MCUB: variants seen among roughly 807,000 people sequenced by gnomAD.
MCUB encodes the protein calcium uniporter regulatory subunit MCUb, mitochondrial.
A neutral mutation model predicts 41.4 loss-of-function variants in MCUB; 46 were observed. The ratio of observed to expected loss-of-function variants is 1.11; its 90% CI spans 0.88 to 1.42. The LOEUF (loss-of-function observed/expected upper bound fraction) is 1.42, where lower values mean the gene tolerates loss of function less well. Ranked by LOEUF, MCUB falls within the 40% of genes most tolerant of loss-of-function variation. The pLI is 0.00. For synonymous variants in MCUB, 148 were observed against 148.2 expected, an observed-to-expected ratio of 1.00 and a Z score of 0.01; for missense variants, 403 against 404.9, an observed-to-expected ratio of 1.00 and a Z score of 0.04.
chr4:109,564,904 G>A (rs1726736036), intron 1 of MCUB, among the ~76,000 whole-genome samples: 1 of 152,156 alleles, frequency 6.6e-6, no homozygotes, highest in African/African-American at 2.4e-5. Flanking sequence ...TTCTTTGAGA[G>A]AGAACTATAG....
chr4:109,639,979 G>A (rs1561236895), intron 1 of MCUB, among the ~76,000 whole-genome samples: 1 of 152,248 alleles, frequency 6.6e-6, no homozygotes, highest in African/African-American at 2.4e-5. Context: ...CAGGCTTTGT[G>A]TGAGTAACAA....
chr4:109,582,709 A>C (rs1336319666), intron 1 of MCUB, among the ~76,000 whole-genome samples: 2 of 152,170 alleles, frequency 1.3e-5, no homozygotes, highest in Non-Finnish European at 2.9e-5. Flanking sequence ...TAGGTCTAAC[A>C]TGTAAGTCTT....
At chr4:109,635,954 G>A (rs1195579300) in intron 1 of MCUB, among the ~76,000 whole-genome samples, 2 of 152,188 alleles carry the variant, frequency 1.3e-5, no homozygotes, top group Admixed American at 6.5e-5. Flanking sequence ...TTTACACTTA[G>A]GAGTAGAATT....
At chr4:109,656,839 A>G (rs1030181977) in intron 1 of MCUB, among the ~76,000 whole-genome samples, 4 of 152,100 alleles carry the variant, frequency 2.6e-5, no homozygotes, top group African/African-American at 7.2e-5. Flanking sequence ...GAGAACTTCT[A>G]CCTATATTTA....
At chr4:109,614,010 T>C (rs934806410) in intron 1 of MCUB, among the ~76,000 whole-genome samples, 4 of 152,248 alleles carry the variant, frequency 2.6e-5, no homozygotes, top group Non-Finnish European at 5.9e-5. Context: ...TGTATACTTT[T>C]ATCATGTGTA....
In MCUB at chr4:109,560,401, C is replaced by A; in HGVS notation, c.64C>A (p.Pro22Thr). The A allele has an allele frequency of 1.5e-6, 2 of 1,320,968 alleles. No homozygotes were observed. The highest frequency in any genetic ancestry group is 1.9e-6 in the Non-Finnish European group (2 of 1,035,330). 81.8% of individuals were successfully genotyped at this position (1,320,968 alleles called of 1,614,324 possible). ...GCTGCCGACCCCTGGCACCTGGCGC[C>A]CAGCGCGCCCGTGGCCGCTGCCGCC... ...RLLPTPGTWRPARPWPLPPPP... is the reference protein window; with the variant it reads ...RLLPTPGTWRTARPWPLPPPP... The change falls in exon 1 of 8, where the codon CCA becomes ACA. Residue 22 changes from proline to threonine, a missense_variant. Transcript: ENST00000394650.
chr4:109,599,396 A>G (rs1022373815), intron 1 of MCUB, among the ~76,000 whole-genome samples: 5 of 152,076 alleles, frequency 3.3e-5, no homozygotes, highest in African/African-American at 1.2e-4. Flanking sequence ...CAACTTTGCA[A>G]CCTTTACTCT....
intron 1 of MCUB, among the ~76,000 whole-genome samples, chr4:109,606,157 G>A (rs1727865774): frequency 6.6e-6 from 1 of 152,038 alleles, no homozygotes; most frequent in Non-Finnish European, 1.5e-5. Context: ...TGTATTTTTA[G>A]TAGAGACGGG....
intron 1 of MCUB, among the ~76,000 whole-genome samples, chr4:109,627,481 A>G (rs1017750468): frequency 1.2e-4 from 18 of 152,178 alleles, no homozygotes; most frequent in African/African-American, 2.9e-4. Flanking sequence ...TCATAACTCT[A>G]TTACAGCAAC....
Position 109,620,854 on chromosome 4 carries a change from G to A in MCUB, c.100-38157G>A, listed in dbSNP as rs552428419. On this transcript the variant is annotated intron_variant, in intron 1 of 7. Transcript: ENST00000394650. ...AGGTTATGGGACTGAAGCTCAGAGA[G>A]GCTAAATAACTTGCTCAAAGAACAA... is the stretch of plus-strand genomic sequence containing the variant. 1.5e-3 allele frequency among the ~76,000 whole-genome samples: 235 copies of A among 151,976 alleles called. 1 individual carries two copies. Among genetic ancestry groups the A allele is most frequent in the Non-Finnish European group, 2.5e-3 (167 of 67,994 alleles).
intron 1 of MCUB, among the ~76,000 whole-genome samples, chr4:109,597,727 G>C (rs1348364211): frequency 1.7e-4 from 25 of 143,078 alleles, no homozygotes; most frequent in African/African-American, 7.0e-4. Context: ...CTGGCCGGGC[G>C]GGGGGCTGAC....
intron 4 of MCUB, among the ~76,000 whole-genome samples, chr4:109,681,658 C>G (rs1056371747): frequency 6.6e-6 from 1 of 152,184 alleles, no homozygotes; most frequent in Admixed American, 6.5e-5. Flanking sequence ...TAGGACAAAC[C>G]CAGGCACTTA....
chr4:109,655,319 C>T (rs994598343), intron 1 of MCUB, among the ~76,000 whole-genome samples: 6 of 152,192 alleles, frequency 3.9e-5, no homozygotes, highest in African/African-American at 1.2e-4. Context: ...CCTGAAAATT[C>T]GCTGAACCTC....
At chr4:109,640,877 T>A (rs1728698309) in intron 1 of MCUB, among the ~76,000 whole-genome samples, 1 of 152,250 alleles carries the variant, frequency 6.6e-6, no homozygotes. Flanking sequence ...GTACAAGAAG[T>A]TTAGCTTTCA....
At chr4:109,584,522 CTA>C (rs1238627341) in intron 1 of MCUB, among the ~76,000 whole-genome samples, 1 of 152,146 alleles carries the variant, frequency 6.6e-6, no homozygotes, top group African/African-American at 2.4e-5. Context: ...TCTTGCATCT[CTA>C]GTTATTTTAA....
At chr4:109,631,985 C>G (rs6533442) in intron 1 of MCUB, among the ~76,000 whole-genome samples, 113,612 of 151,970 alleles carry the variant, frequency 0.75, 43,345 homozygotes, top group African/African-American at 0.91. Context: ...TCACAGCCCA[C>G]CTCTGGCTCT....
chr4:109,624,266 T>C (rs1028067071), intron 1 of MCUB, among the ~76,000 whole-genome samples: 1 of 152,156 alleles, frequency 6.6e-6, no homozygotes, highest in South Asian at 2.1e-4. Flanking sequence ...CACACTCAAC[T>C]CATGGACCAA....
At chr4:109,599,442 A>G (rs929655605) in intron 1 of MCUB, among the ~76,000 whole-genome samples, 4 of 151,954 alleles carry the variant, frequency 2.6e-5, no homozygotes, top group African/African-American at 9.7e-5. Context: ...GCTCCAAAGT[A>G]TGTGGTTTTA....
At position 109,567,031 on chromosome 4, in the gene MCUB, TGAAGA is replaced by T. The variant is rs534342186; in HGVS notation, c.99+6597_99+6601del. On this transcript the variant is annotated intron_variant, in intron 1 of 7. Coordinates refer to ENST00000394650, the MANE Select transcript of MCUB (RefSeq NM_017918.5). ...GTAAGGCTGAGCCAGGAGAATTGGT[TGAAGA>T]GTAGATGTCTTTTTTGAGACGCGAG... 1.8e-3 allele frequency among the ~76,000 whole-genome samples: 273 copies of T among 150,150 alleles called. 2 individuals carry two copies. Among genetic ancestry groups the T allele is most frequent in the African/African-American group, 6.5e-3 (264 of 40,530 alleles).
Sources: gnomAD v4.1 joint callset for allele counts (sites outside exome capture counted in the v4.1 genomes callset) on GRCh38, gnomAD v4.1.1 for gene constraint, MANE v1.5 for transcripts, NCBI Gene and HGNC (gene_info 2026-07-23, HGNC 2026-07-21) for gene names.